The following C16orf90 variants were observed in gnomAD, a reference collection of about 807,000 sequenced individuals.
C16orf90 encodes uncharacterized protein C16orf90.
C16orf90 carries 17 observed loss-of-function variants against 17.1 expected under a neutral mutation model. The ratio of observed to expected loss-of-function variants is 1.00; its 90% CI spans 0.68 to 1.49. The LOEUF is 1.49. Ranked by LOEUF, C16orf90 falls within the 40% of genes most tolerant of loss-of-function variation. C16orf90 has a pLI of 0.00. For synonymous variants in C16orf90, 108 were observed against 95.8 expected (o/e 1.13, Z -0.75); for missense variants, 255 against 235.5 (o/e 1.08, Z -0.54).
chr16:3,494,981 C>T, intron 1 of C16orf90, 104 bp from the exon 2 acceptor site: 6 of 888,228 alleles, frequency 6.8e-6, no homozygotes, highest in Non-Finnish European at 1.0e-5. Flanking sequence ...ATGGGCTACA[C>T]CCCCAGCCAA....
At position 3,493,639 on chromosome 16, in the gene C16orf90, T is replaced by C; in HGVS notation, c.*200A>G. The stretch of plus-strand genomic sequence containing the variant: ...GGCTGCAAGGGCACGGCCATGCTTC[T>C]ATTGCTTCTGCCCCTCCCTCGGAAC... On this transcript the variant is annotated 3_prime_UTR_variant, in exon 3 of 3. Transcript: ENST00000437192. The C allele has an allele frequency of 2.0e-6, 1 of 497,074 alleles. No homozygotes were observed. Among genetic ancestry groups the C allele is most frequent in the Middle Eastern group, 5.5e-4 (1 of 1,806 alleles). 30.8% of individuals were successfully genotyped at this position (497,074 alleles called of 1,614,324 possible).
upstream of C16orf90, chr16:3,496,420 T>C: frequency 2.0e-6 from 2 of 1,018,718 alleles, no homozygotes; most frequent in Non-Finnish European, 1.5e-6. Context: ...AGATGAAGCT[T>C]CCTGGCTGGG....
At chr16:3,494,470 C>T in intron 2 of C16orf90, 54 bp downstream of exon 2, 3 of 1,496,236 alleles carry the variant, frequency 2.0e-6, no homozygotes, top group Non-Finnish European at 2.7e-6. Context: ...GGCCCCAGCC[C>T]AACCATCCCC....
rs2151031981 is a variant in C16orf90 at position 3,494,584 on chromosome 16, T to TA, written c.339dup (p.Asn114Ter). ...TCCAGAAGGGCTGAACAGAGGCTGT[T>TA]ACGTGGGCCCAGAGTCCCCTGTGGC... On this transcript the variant is annotated frameshift_variant, in exon 2 of 3. Transcript: ENST00000437192. LOFTEE classifies it high-confidence loss of function. The TA allele has an allele frequency of 3.7e-6, 6 of 1,612,854 alleles. No individual in the cohort carries two copies. Among genetic ancestry groups the TA allele is most frequent in the Non-Finnish European group, 5.1e-6 (6 of 1,179,864 alleles).
chr16:3,493,674 C>T lies in C16orf90; in HGVS notation c.*165G>A. 2 of 551,934 alleles carry T rather than the reference C, an allele frequency of 3.6e-6. No individual in the cohort carries two copies. Among genetic ancestry groups the T allele is most frequent in the East Asian group, 2.9e-5 (1 of 34,620 alleles). The allele number at this position is 551,934 out of a possible 1,614,324, so 34.2% of individuals were successfully genotyped here. A position where few individuals can be genotyped will look rare whatever the true frequency, so the allele number is the denominator to read the frequency against. ...GCCCCTCCCTCGGAACCTCCTCCTCCTCCCTCTCCCCATCACATTCTCCCG... is the reference window on the plus strand; with the variant it reads ...GCCCCTCCCTCGGAACCTCCTCCTCTTCCCTCTCCCCATCACATTCTCCCG... On this transcript the variant is annotated 3_prime_UTR_variant, in exon 3 of 3. Transcript: ENST00000437192.
upstream of C16orf90, chr16:3,496,202 T>A (rs959284159): frequency 4.5e-5 from 25 of 559,638 alleles, no homozygotes; most frequent in Admixed American, 5.4e-4. Flanking sequence ...AGCGCCATCA[T>A]GGGAGCTGAC....
rs768242688 is a variant in C16orf90, at chr16:3,494,614, C to A, written c.310G>T (p.Asp104Tyr). 8.1e-6 allele frequency: 13 copies of A among 1,612,392 alleles called. No homozygotes were observed. The highest frequency in any genetic ancestry group is 1.6e-4 in the Middle Eastern group (1 of 6,078). ...PQPEGTAWAL[D>Y]LPQGTLGPRN... ...GGGCCCAGAGTCCCCTGTGGCAGGT[C>A]CAGGGCCCAGGCTGTGCCCTCAGGC... is the stretch of plus-strand genomic sequence containing the variant. Residue 104 changes from aspartate to tyrosine, a missense_variant, in exon 2 of 3, where the codon GAC becomes TAC. Physicochemically the swap from Asp to Tyr is radical, Grantham distance 160 (BLOSUM62 -3). Coordinates refer to ENST00000437192, the MANE Select transcript of C16orf90 (RefSeq NM_001080524.2).
chr16:3,495,336 CCTAT>C, intron 1 of C16orf90, 36 bp downstream of exon 1: 1 of 1,580,004 alleles, frequency 6.3e-7, no homozygotes. Context: ...GGGACAGAAG[CCTAT>C]CTCTCTTCCT....
chr16:3,494,898 G>T (rs1291701695), intron 1 of C16orf90, 21 bp from the exon 2 acceptor site: 1 of 1,481,124 alleles, frequency 6.8e-7, no homozygotes, highest in East Asian at 2.3e-5. Flanking sequence ...GACAGCGGGA[G>T]GGTGGTGGCC....
At position 3,493,830 on chromosome 16, in the gene C16orf90, T is replaced by C; in HGVS notation, c.*9A>G. 1.3e-6 allele frequency: 2 copies of C among 1,594,262 alleles called. No individual in the cohort carries two copies. The highest frequency in any genetic ancestry group is 1.7e-6 in the Non-Finnish European group (2 of 1,171,074). On this transcript the variant is annotated 3_prime_UTR_variant, in exon 3 of 3. Transcript: ENST00000437192. ...CCCCTCCTGTACCCAGTCCTGGCAC[T>C]CGGGATCCCTATGGCCTCTCCAGGG...
At chr16:3,494,264 A>C (rs997062107) in intron 2 of C16orf90, among the ~76,000 whole-genome samples, 2 of 152,116 alleles carry the variant, frequency 1.3e-5, no homozygotes, top group African/African-American at 4.8e-5. Context: ...CCCCTCACCG[A>C]GTGTGGAGCT....
chr16:3,496,000 G>A (rs571032333), upstream of C16orf90, among the ~76,000 whole-genome samples: 1 of 152,210 alleles, frequency 6.6e-6, no homozygotes, highest in South Asian at 2.1e-4. Context: ...AATTAGCCGG[G>A]CGTCGTGGCG....
At chr16:3,496,595 C>T, upstream of C16orf90, 1 of 533,686 alleles carries the variant, frequency 1.9e-6, no homozygotes, top group South Asian at 1.4e-5. Context: ...CCTGGACTCC[C>T]TCAAGGACGG....
At chr16:3,496,096 G>T, upstream of C16orf90, 2 of 357,060 alleles carry the variant, frequency 5.6e-6, no homozygotes, top group Non-Finnish European at 1.1e-5. Flanking sequence ...AGCCCAGATC[G>T]CGCCACTGCA....
chr16:3,496,106 A>T (rs1567415372), upstream of C16orf90: 2 of 367,666 alleles, frequency 5.4e-6, no homozygotes, highest in Non-Finnish European at 1.0e-5. Flanking sequence ...GCGCCACTGC[A>T]CTCCAGCCTG....
chr16:3,494,497 G>A, intron 2 of C16orf90, 27 bp downstream of exon 2: 1 of 1,593,470 alleles, frequency 6.3e-7, no homozygotes, highest in South Asian at 1.1e-5. Context: ...CTTCCCCCGT[G>A]CCCAGTCCTG....
At chr16:3,495,781 A>G (rs150986021), upstream of C16orf90, among the ~76,000 whole-genome samples, 148 of 152,018 alleles carry the variant, frequency 9.7e-4, no homozygotes, top group Non-Finnish European at 1.8e-4. Flanking sequence ...AGGAGTACAG[A>G]CCTAGGAAGA....
upstream of C16orf90, chr16:3,496,355 T>A: frequency 8.3e-7 from 1 of 1,209,064 alleles, no homozygotes; most frequent in Non-Finnish European, 1.2e-6. Context: ...GCTGAAGAGG[T>A]TGTTTATGAG....
In C16orf90 at chr16:3,493,659, C is replaced by T. The variant is rs920549998; in HGVS notation, c.*180G>A. The T allele has an allele frequency of 3.2e-5, 17 of 525,776 alleles. No individual in the cohort carries two copies. In the East Asian group the frequency reaches 4.1e-4, roughly 13 times the overall value. 32.6% of individuals were successfully genotyped at this position (525,776 alleles called of 1,614,324 possible). ...GCTTCTATTGCTTCTGCCCCTCCCT[C>T]GGAACCTCCTCCTCCTCCCTCTCCC... On this transcript the variant is annotated 3_prime_UTR_variant, in exon 3 of 3. Transcript: ENST00000437192.
Sources: allele counts gnomAD v4.1 joint callset (sites outside exome capture counted in the v4.1 genomes callset), GRCh38; gene constraint gnomAD v4.1.1; transcripts MANE v1.5; gene names NCBI Gene and HGNC (gene_info 2026-07-23, HGNC 2026-07-21).